The following USP22 variants were observed in gnomAD, a reference collection of about 807,000 sequenced individuals.
The protein encoded by USP22 is ubiquitin carboxyl-terminal hydrolase 22.
A neutral mutation model predicts 68.1 loss-of-function variants in USP22; 22 were observed. That is an observed-to-expected ratio of 0.32 (90% CI 0.23 to 0.46). The LOEUF (loss-of-function observed/expected upper bound fraction) is 0.46. Among genes scored for constraint, USP22 ranks in the 20% least tolerant of loss-of-function variants. The probability of loss-of-function intolerance (pLI) is 1.00; values close to 1 mark genes in which losing one functional copy is unlikely to be tolerated. For missense variants in USP22, 433 were observed against 695.8 expected, an observed-to-expected ratio of 0.62 and a Z score of 4.25; for synonymous variants, 279 against 274.2, an observed-to-expected ratio of 1.02 and a Z score of -0.17.
chr17:21,003,083 CAG>C lies in USP22; in HGVS notation c.1536-12_1536-11del, dbSNP rs769143215. On this transcript the variant is annotated splice_polypyrimidine_tract_variant and intron_variant, in intron 12 of 12. Coordinates refer to ENST00000261497, the MANE Select transcript of USP22 (RefSeq NM_015276.2). ...ATAGAACAGCAAGTACCTGTGGAGG[CAG>C]AGAGAGGGAGGAGGCTCACCTCTAA... is the stretch of plus-strand genomic sequence containing the variant. The C allele has an allele frequency of 5.0e-6, 8 of 1,613,824 alleles. No individual in the cohort carries two copies. Among genetic ancestry groups the C allele is most frequent in the South Asian group, 3.3e-5 (3 of 91,070 alleles).
Position 21,021,244 on chromosome 17 carries a change from G to A in USP22, c.305-18C>T. ...ATCAATGGCTGAGGAGAGAAAGGAGGGAGGAGAAACCAAGTTGAATTAAAA... is the reference window on the plus strand; with the variant it reads ...ATCAATGGCTGAGGAGAGAAAGGAGAGAGGAGAAACCAAGTTGAATTAAAA... On this transcript the variant is annotated intron_variant, in intron 2 of 12. Coordinates refer to ENST00000261497, the MANE Select transcript of USP22 (RefSeq NM_015276.2). 6.4e-7 allele frequency: 1 copy of A among 1,570,192 alleles called. No homozygotes were observed. The highest frequency in any genetic ancestry group is 2.2e-5 in the East Asian group (1 of 44,726).
chr17:21,013,040 G>A (rs938643998), intron 6 of USP22, 105 bp from the exon 7 acceptor site: 23 of 962,806 alleles, frequency 2.4e-5, no homozygotes, highest in African/African-American at 3.3e-5. Context: ...CAGGGCCAAC[G>A]CTTTAAAAGG....
intron 1 of USP22, among the ~76,000 whole-genome samples, chr17:21,031,398 A>T (rs763054281): frequency 3.9e-5 from 6 of 152,220 alleles, no homozygotes; most frequent in Non-Finnish European, 8.8e-5. Flanking sequence ...TGAACAAAAC[A>T]ACTAAACACA....
intron 11 of USP22, among the ~76,000 whole-genome samples, 187 bp from the exon 12 acceptor site, chr17:21,004,538 C>G (rs1268054087): frequency 6.6e-6 from 1 of 152,222 alleles, no homozygotes; most frequent in Non-Finnish European, 1.5e-5. Flanking sequence ...CCCCTTGGCT[C>G]TAGCCCGGGT....
At chr17:21,008,587 A>G (rs939860578) in intron 8 of USP22, among the ~76,000 whole-genome samples, 10 of 152,208 alleles carry the variant, frequency 6.6e-5, no homozygotes, top group African/African-American at 2.4e-4. Flanking sequence ...GCAGGAGTCC[A>G]GGGTGACTGC....
At chr17:21,019,495 G>C (rs535851463) in intron 3 of USP22, among the ~76,000 whole-genome samples, 1 of 152,246 alleles carries the variant, frequency 6.6e-6, no homozygotes, top group African/African-American at 2.4e-5. Context: ...CTTCAGCACA[G>C]AGATGGCAGC....
At chr17:21,033,085 G>T (rs893875187) in intron 1 of USP22, among the ~76,000 whole-genome samples, 1 of 152,092 alleles carries the variant, frequency 6.6e-6, no homozygotes, top group Non-Finnish European at 1.5e-5. Context: ...GGCTGACATG[G>T]ACCGTGGAGG....
intron 1 of USP22, among the ~76,000 whole-genome samples, chr17:21,029,638 T>C (rs560299776): frequency 6.6e-6 from 1 of 152,348 alleles, no homozygotes; most frequent in East Asian, 1.9e-4. Context: ...AAGGTCCATA[T>C]AGTCATCAAC....
At chr17:21,021,039 C>G in intron 3 of USP22, 74 bp downstream of exon 3, 1 of 1,245,126 alleles carries the variant, frequency 8.0e-7, no homozygotes, top group Non-Finnish European at 1.2e-6. Flanking sequence ...ACTTCTCTTT[C>G]TCCTACTGGG....
rs1216573104 is a variant in USP22 at position 21,030,047 on chromosome 17, C to A, written c.172-1373G>T. ...AAAAAAATATATTAAGTTACATAAA[C>A]AATTGTCCCTCGGTATCTAGGAATT... On this transcript the variant is annotated intron_variant, in intron 1 of 12. Transcript: ENST00000261497. Among the ~76,000 whole-genome samples the A allele has an allele frequency of 2.0e-5, 3 of 152,172 alleles. No homozygotes were observed. In the East Asian group the frequency reaches 5.8e-4, roughly 29 times the overall value.
At chr17:21,004,170 G>T (rs201788882) in intron 12 of USP22, 32 bp downstream of exon 12, 9 of 1,609,300 alleles carry the variant, frequency 5.6e-6, no homozygotes, top group Middle Eastern at 1.7e-4. Context: ...CGTAGCCACC[G>T]TAGGGCCTTC....
At chr17:21,017,122 G>A (rs1168579445) in intron 5 of USP22, among the ~76,000 whole-genome samples, 2 of 152,128 alleles carry the variant, frequency 1.3e-5, no homozygotes, top group Non-Finnish European at 2.9e-5. Context: ...GGCTTGGACA[G>A]TAAATAATTT....
chr17:21,021,994 G>C (rs1457963561), intron 2 of USP22, among the ~76,000 whole-genome samples: 1 of 152,138 alleles, frequency 6.6e-6, no homozygotes. Flanking sequence ...CAGCTATTCG[G>C]GGAGCTGAGG....
chr17:21,004,568 C>G (rs1309968552), intron 11 of USP22, among the ~76,000 whole-genome samples: 1 of 152,176 alleles, frequency 6.6e-6, no homozygotes, highest in Non-Finnish European at 1.5e-5. Flanking sequence ...TCCTGGAACT[C>G]CATCTAGTGG....
intron 1 of USP22, among the ~76,000 whole-genome samples, chr17:21,036,021 A>C (rs1972349566): frequency 8.6e-6 from 1 of 116,458 alleles, no homozygotes; most frequent in Non-Finnish European, 1.7e-5. Context: ...ACAGAGCAAG[A>C]CTCCGTCTCA....
At chr17:21,017,497 G>A (rs1183496140) in intron 5 of USP22, among the ~76,000 whole-genome samples, 1 of 152,364 alleles carries the variant, frequency 6.6e-6, no homozygotes, top group East Asian at 1.9e-4. Flanking sequence ...AACAGCCAAC[G>A]TGCAGCGCGT....
intron 1 of USP22, 139 bp from the exon 2 acceptor site, chr17:21,028,813 T>A: frequency 9.0e-7 from 1 of 1,114,376 alleles, no homozygotes; most frequent in Non-Finnish European, 1.2e-6. Context: ...CTTACTACTC[T>A]AGAGGATCAG....
In USP22 at chr17:21,003,037, G is replaced by A. The variant is rs774766564; in HGVS notation, c.1572C>T (p.Tyr524=). 49 of 1,613,674 alleles carry A rather than the reference G, an allele frequency of 3.0e-5. No homozygotes were observed. Among genetic ancestry groups the A allele is most frequent in the Non-Finnish European group, 3.9e-5 (46 of 1,179,860 alleles). ...TGACCAGCTGCAGATAAGGCTACTC[G>A]TATTCCAGGAACTGTTTGTGATAGA... ...LLFYHKQFLE[Y]E Residue 524 remains tyrosine, a synonymous_variant, in exon 13 of 13, where the codon TAC becomes TAT. Transcript: ENST00000261497.
At chr17:21,004,868 A>C in intron 11 of USP22, 60 bp downstream of exon 11, 5 of 1,593,274 alleles carry the variant, frequency 3.1e-6, no homozygotes, top group Non-Finnish European at 4.3e-6. Context: ...GGCAGACAGG[A>C]GCCCACCCCC....
Sources: gnomAD v4.1 joint callset for allele counts (sites outside exome capture counted in the v4.1 genomes callset) on GRCh38, gnomAD v4.1.1 for gene constraint, MANE v1.5 for transcripts, NCBI Gene and HGNC (gene_info 2026-07-23, HGNC 2026-07-21) for gene names.